The following FAM184B variants were observed in gnomAD, a reference collection of about 807,000 sequenced individuals.
FAM184B encodes the protein protein FAM184B.
A neutral mutation model predicts 135.9 loss-of-function variants in FAM184B; 111 were observed. The observed-to-expected ratio is 0.82, with a 90% CI of 0.70 to 0.96. FAM184B has a LOEUF of 0.96. Among genes scored for constraint, FAM184B ranks in the 40% least tolerant of loss-of-function variants. FAM184B has a pLI of 0.00. For missense variants in FAM184B, 1,375 were observed against 1,323.9 expected (o/e 1.04, Z -0.60); for synonymous variants, 552 against 524.8 (o/e 1.05, Z -0.71).
intron 1 of FAM184B, among the ~76,000 whole-genome samples, chr4:17,756,058 C>A (rs1003516870): frequency 6.6e-6 from 1 of 152,126 alleles, no homozygotes; most frequent in Admixed American, 6.5e-5. Context: ...TAGCCTGGAA[C>A]TTAAAAGCTG....
chr4:17,633,520 T>G (rs1715027492), intron 17 of FAM184B, 169 bp downstream of exon 17: 1 of 566,718 alleles, frequency 1.8e-6, no homozygotes, highest in Non-Finnish European at 3.0e-6. Flanking sequence ...GTCCACCTTT[T>G]GTATAACCCA....
At chr4:17,651,982 C>A (rs1715629956) in intron 11 of FAM184B, among the ~76,000 whole-genome samples, 1 of 152,030 alleles carries the variant, frequency 6.6e-6, no homozygotes, top group Non-Finnish European at 1.5e-5. Flanking sequence ...ATCTTCAGAA[C>A]AGAAATGAGA....
At chr4:17,638,165 A>G (rs1253341797) in intron 14 of FAM184B, among the ~76,000 whole-genome samples, 4 of 21,866 alleles carry the variant, frequency 1.8e-4, no homozygotes, top group Non-Finnish European at 3.1e-4. Flanking sequence ...TTTTTTTTTG[A>G]GACAGGGTCT....
At position 17,709,411 on chromosome 4, in the gene FAM184B, G is replaced by C; in HGVS notation, c.375C>G (p.Cys125Trp). 1 of 1,518,480 alleles carries C rather than the reference G, an allele frequency of 6.6e-7. No individual in the cohort carries two copies. Among genetic ancestry groups the C allele is most frequent in the East Asian group, 2.5e-5 (1 of 40,454 alleles). 94.1% of individuals were successfully genotyped at this position (1,518,480 alleles called of 1,614,324 possible). Reference sequence around the variant, plus strand: ...GCTCTCTCTCCTTCGTCTCCAGCCTGCACGAGGCCGACTCAGCCAGCGCCT... The same window carrying C: ...GCTCTCTCTCCTTCGTCTCCAGCCTCCACGAGGCCGACTCAGCCAGCGCCT... ...TEEALAESAS[C>W]RLETKERELR... Residue 125 changes from cysteine (C) to tryptophan (W), a missense_variant, in exon 2 of 18, where the codon TGC (cysteine) becomes TGG (tryptophan). Cys to Trp is a radical substitution (Grantham distance 215). Coordinates refer to ENST00000265018, the MANE Select transcript of FAM184B (RefSeq NM_015688.2).
At chr4:17,686,744 C>G (rs1716599489) in intron 7 of FAM184B, among the ~76,000 whole-genome samples, 1 of 152,236 alleles carries the variant, frequency 6.6e-6, no homozygotes, top group African/African-American at 2.4e-5. Flanking sequence ...GAGTTCGAGA[C>G]TAGCCTGGCT....
intron 8 of FAM184B, among the ~76,000 whole-genome samples, chr4:17,661,671 C>A (rs1042936498): frequency 3.3e-5 from 5 of 152,182 alleles, no homozygotes; most frequent in Admixed American, 2.0e-4. Flanking sequence ...ACATAGCCAC[C>A]TTTAAGGAGC....
At position 17,651,637 on chromosome 4, in the gene FAM184B, G is replaced by A. The variant is rs1715622029; in HGVS notation, c.2191+1193C>T. Among the ~76,000 whole-genome samples the A allele has an allele frequency of 2.0e-5, 3 of 148,872 alleles. No individual in the cohort carries two copies. The South Asian group carries it at 6.5e-4, about 32-fold the overall frequency. Reference sequence around the variant, plus strand: ...ACTTACTGCATACCAGGCTCTATTTGAAGCACTTCTCATGCATTTACTCAA... The same window carrying A: ...ACTTACTGCATACCAGGCTCTATTTAAAGCACTTCTCATGCATTTACTCAA... On this transcript the variant is annotated intron_variant, in intron 11 of 17. Coordinates refer to ENST00000265018, the MANE Select transcript of FAM184B (RefSeq NM_015688.2).
At position 17,658,457 on chromosome 4, in the gene FAM184B, C is replaced by A; in HGVS notation, c.1930G>T (p.Glu644Ter). 2 of 1,551,572 alleles carry A rather than the reference C, an allele frequency of 1.3e-6. No individual in the cohort carries two copies. The highest frequency in any genetic ancestry group is 1.7e-6 in the Non-Finnish European group (2 of 1,146,954). The change falls in exon 10 of 18, where the codon GAG becomes TAG. Residue 644 changes from glutamate (E) to a stop codon, truncating the protein, a stop_gained. Coordinates refer to ENST00000265018, the MANE Select transcript of FAM184B (RefSeq NM_015688.2). LOFTEE classifies it high-confidence loss of function. ...SDLEREKLQR[E>*]LQETTQQNHA... The stretch of plus-strand genomic sequence containing the variant: ...TTCTGCTGAGTGGTCTCCTGGAGCT[C>A]ACGCTGCAGCTTCTCCCTCTCCAGG...
chr4:17,736,459 T>G (rs568630200), intron 1 of FAM184B, among the ~76,000 whole-genome samples: 2 of 152,250 alleles, frequency 1.3e-5, no homozygotes, highest in African/African-American at 4.8e-5. Flanking sequence ...TCTCCAAAAG[T>G]ACAGAGGGTT....
intron 13 of FAM184B, among the ~76,000 whole-genome samples, chr4:17,641,232 C>T (rs1344698430): frequency 1.3e-5 from 2 of 152,018 alleles, no homozygotes; most frequent in East Asian, 1.9e-4. Flanking sequence ...CCACGCCAGC[C>T]GAGGCTGGAG....
chr4:17,751,672 C>T (rs76326489), intron 1 of FAM184B, among the ~76,000 whole-genome samples: 1 of 151,986 alleles, frequency 6.6e-6, no homozygotes, highest in African/African-American at 2.4e-5. Flanking sequence ...GAGCCTGTTT[C>T]AACATCCACG....
chr4:17,695,220 T>C (rs376510793), intron 5 of FAM184B, among the ~76,000 whole-genome samples: 7 of 151,742 alleles, frequency 4.6e-5, no homozygotes, highest in Middle Eastern at 6.8e-3. Context: ...TGGAGTACAA[T>C]AGCACAATCA....
At chr4:17,632,690 A>ACC (rs140116194) in intron 17 of FAM184B, 65 bp from the exon 18 acceptor site, 13,933 of 1,076,710 alleles carry the variant, frequency 0.013, 122 homozygotes, top group African/African-American at 0.018. Context: ...CTTAATACCC[A>ACC]CCATCTTTTC....
intron 7 of FAM184B, among the ~76,000 whole-genome samples, chr4:17,687,729 T>G (rs1195461619): frequency 6.6e-6 from 1 of 151,864 alleles, no homozygotes; most frequent in Non-Finnish European, 1.5e-5. Context: ...AAGGAAGACT[T>G]GGCCAAGGAA....
intron 14 of FAM184B, among the ~76,000 whole-genome samples, chr4:17,638,848 C>CCG: frequency 6.6e-6 from 1 of 152,192 alleles, no homozygotes; most frequent in Non-Finnish European, 1.5e-5. Context: ...CCACCACACC[C>CCG]CGCCTCCTGC....
chr4:17,671,291 G>A (rs1288313001), intron 7 of FAM184B, among the ~76,000 whole-genome samples: 3 of 152,114 alleles, frequency 2.0e-5, no homozygotes, highest in Admixed American at 6.6e-5. Flanking sequence ...GTTTTCTAAG[G>A]GGGATGTCCC....
chr4:17,680,256 TAA>T (rs760993267), intron 7 of FAM184B, among the ~76,000 whole-genome samples: 4 of 152,242 alleles, frequency 2.6e-5, no homozygotes, highest in Non-Finnish European at 5.9e-5. Context: ...AAATTATATT[TAA>T]GTTTTGTTAT....
At chr4:17,767,130 G>A (rs770778075) in intron 1 of FAM184B, among the ~76,000 whole-genome samples, 43 of 152,166 alleles carry the variant, frequency 2.8e-4, no homozygotes, top group African/African-American at 9.4e-4. Context: ...ACGCCCACCC[G>A]GAACTCGCGC....
chr4:17,676,370 A>C (rs1163542236), intron 7 of FAM184B, among the ~76,000 whole-genome samples: 1 of 152,248 alleles, frequency 6.6e-6, no homozygotes, highest in East Asian at 1.9e-4. Context: ...CAATTACAAT[A>C]GCAACATGAA....
Sources: gnomAD v4.1 joint callset for allele counts (sites outside exome capture counted in the v4.1 genomes callset) on GRCh38, gnomAD v4.1.1 for gene constraint, MANE v1.5 for transcripts, NCBI Gene and HGNC (gene_info 2026-07-23, HGNC 2026-07-21) for gene names.